GALNS: variants seen among roughly 807,000 people sequenced by gnomAD.
GALNS encodes N-acetylgalactosamine-6-sulfatase.
GALNS carries 65 observed loss-of-function variants against 65.9 expected under a neutral mutation model. That is an observed-to-expected ratio of 0.99 (90% CI 0.81 to 1.21). The LOEUF is 1.21. Among genes scored for constraint, GALNS ranks in the 50% most tolerant of loss-of-function variants. The pLI, the probability that GALNS is intolerant of heterozygous loss-of-function variation, is 0.00. For missense variants in GALNS, 776 were observed against 700.7 expected, an observed-to-expected ratio of 1.11 and a Z score of -1.21; for synonymous variants, 346 against 288.9, an observed-to-expected ratio of 1.20 and a Z score of -2.00.
At chr16:88,815,522 G>T in intron 13 of GALNS, 2 of 985,498 alleles carry the variant, frequency 2.0e-6, no homozygotes, top group Non-Finnish European at 2.4e-6. Context: ...TTGCTTGATG[G>T]GAGGGCACTT....
chr16:88,832,687 G>A (rs776100128), intron 8 of GALNS, among the ~76,000 whole-genome samples: 11 of 152,178 alleles, frequency 7.2e-5, no homozygotes, highest in Non-Finnish European at 1.5e-4. Context: ...CCCACGTCAG[G>A]GACAAAAGCC....
At position 88,835,776 on chromosome 16, in the gene GALNS, T is replaced by G. The variant is rs398123441; in HGVS notation, c.707A>C (p.His236Pro). Residue 236 changes from histidine (H) to proline (P), a missense_variant, in exon 7 of 14, where the codon CAC (histidine) becomes CCC (proline). His to Pro is a moderately conservative substitution (Grantham distance 77). Transcript: ENST00000268695. ...GGGTTTGGAGGCATAGACGGGTGCG[T>G]GCGTGGCGTCGACAGCCCAGTAGAG... The part of the protein sequence containing the change: ...FFLYWAVDAT[H>P]APVYASKPFL... 1 of 1,614,108 alleles carries G rather than the reference T, an allele frequency of 6.2e-7. No individual in the cohort carries two copies. The highest frequency in any genetic ancestry group is 8.5e-7 in the Non-Finnish European group (1 of 1,180,014).
intron 1 of GALNS, chr16:88,856,252 A>G (rs1192587418): frequency 1.7e-5 from 12 of 702,990 alleles, no homozygotes; most frequent in South Asian, 1.2e-4. Context: ...GTCAGGTAAG[A>G]CTGGAGCCCA....
intron 13 of GALNS, chr16:88,817,453 G>A: frequency 1.0e-6 from 1 of 985,444 alleles, no homozygotes; most frequent in East Asian, 1.1e-4. Flanking sequence ...GAAGGTCTCT[G>A]GGGCTGGCCC....
At chr16:88,855,869 G>A (rs562511891) in intron 1 of GALNS, 99 of 503,388 alleles carry the variant, frequency 2.0e-4, no homozygotes, top group South Asian at 1.9e-3. Context: ...GGGGCTGAGC[G>A]ACACCGACGG....
At chr16:88,836,147 G>T (rs2143001669) in intron 6 of GALNS, 54 bp downstream of exon 6, 1 of 1,503,012 alleles carries the variant, frequency 6.7e-7, no homozygotes. Flanking sequence ...TGAGGTTGGT[G>T]CGGTCCCCGT....
intron 10 of GALNS, among the ~76,000 whole-genome samples, chr16:88,825,779 G>A (rs565384082): frequency 2.6e-5 from 4 of 152,148 alleles, no homozygotes; most frequent in Admixed American, 6.5e-5. Flanking sequence ...GACGCAGCTG[G>A]GCACCGTCTC....
chr16:88,818,607 G>C (rs1320191249), intron 12 of GALNS, among the ~76,000 whole-genome samples: 1 of 152,196 alleles, frequency 6.6e-6, no homozygotes, highest in Non-Finnish European at 1.5e-5. Context: ...CGGAGTGTTT[G>C]GATTCCTTTC....
intron 11 of GALNS, among the ~76,000 whole-genome samples, chr16:88,824,250 C>T (rs1910562367): frequency 6.6e-6 from 1 of 152,078 alleles, no homozygotes; most frequent in Admixed American, 6.6e-5. Flanking sequence ...GAGCAGGAGG[C>T]TTGAGGCGAG....
chr16:88,830,590 A>G (rs1019040535), intron 9 of GALNS, among the ~76,000 whole-genome samples: 9 of 152,216 alleles, frequency 5.9e-5, no homozygotes, highest in Non-Finnish European at 1.2e-4. Flanking sequence ...TCGTTTACAA[A>G]CACCAGACTC....
chr16:88,854,277 A>G (rs1314660178), intron 1 of GALNS, among the ~76,000 whole-genome samples: 1 of 152,224 alleles, frequency 6.6e-6, no homozygotes, highest in South Asian at 2.1e-4. Flanking sequence ...ACCGGTCTGC[A>G]GTGCAGGAAG....
At chr16:88,855,476 GGACACGGAC>G (rs1443398838) in intron 1 of GALNS, 17 of 702,728 alleles carry the variant, frequency 2.4e-5, no homozygotes, top group Non-Finnish European at 3.9e-5. Flanking sequence ...ACTGCTGTCA[GGACACGGAC>G]CCCTGGGCGC....
At chr16:88,842,685 G>T in intron 2 of GALNS, 21 bp downstream of exon 2, 1 of 1,611,438 alleles carries the variant, frequency 6.2e-7, no homozygotes, top group Non-Finnish European at 8.5e-7. Context: ...CTTCCTGGGG[G>T]CGAGGGCCCC....
chr16:88,825,715 G>A (rs888870371), intron 10 of GALNS, among the ~76,000 whole-genome samples: 9 of 152,068 alleles, frequency 5.9e-5, no homozygotes, highest in Admixed American at 1.3e-4. Flanking sequence ...ATAAGCAGGC[G>A]GCACGGGGTC....
rs370911139 is a variant in GALNS, at chr16:88,838,062, G to A, written c.423-297C>T. Among the ~76,000 whole-genome samples, 7 of 152,300 alleles carry A rather than the reference G, an allele frequency of 4.6e-5. No homozygotes were observed. The South Asian group carries it at 1.0e-3, about 23-fold the overall frequency. On this transcript the variant is annotated intron_variant, in intron 4 of 13. Transcript: ENST00000268695. The stretch of plus-strand genomic sequence containing the variant: ...GTGCATCGTGAGGAGCCTCCCAGCC[G>A]CCTGGAACCCGCCTGACATGCCCCT...
chr16:88,818,649 C>T (rs1909891432), intron 12 of GALNS, among the ~76,000 whole-genome samples: 1 of 152,202 alleles, frequency 6.6e-6, no homozygotes, highest in Non-Finnish European at 1.5e-5. Context: ...CACGGCTCGA[C>T]GAGGTGCCAC....
intron 4 of GALNS, chr16:88,838,965 C>G (rs1912427292): frequency 1.3e-5 from 2 of 153,082 alleles, no homozygotes; most frequent in Non-Finnish European, 2.9e-5. Flanking sequence ...GCCTGGACCT[C>G]TCTGTGACCT....
chr16:88,837,782 A>C lies in GALNS; in HGVS notation c.423-17T>G. Reference sequence around the variant, plus strand: ...CCCAGATGCCTGGAAACAGGAACCCAGGACACTTCAGGGACCCCACGTGGG... The same window carrying C: ...CCCAGATGCCTGGAAACAGGAACCCCGGACACTTCAGGGACCCCACGTGGG... On this transcript the variant is annotated splice_polypyrimidine_tract_variant and intron_variant, in intron 4 of 13. Transcript: ENST00000268695. 1 of 1,613,652 alleles carries C rather than the reference A, an allele frequency of 6.2e-7. No individual in the cohort carries two copies. The highest frequency in any genetic ancestry group is 8.5e-7 in the Non-Finnish European group (1 of 1,179,878).
intron 11 of GALNS, among the ~76,000 whole-genome samples, chr16:88,823,272 G>A (rs894742955): frequency 4.6e-5 from 7 of 152,232 alleles, no homozygotes; most frequent in African/African-American, 1.4e-4. Context: ...TGAAAGGCAA[G>A]AGAAAACACA....
Sources: gnomAD v4.1 joint callset for allele counts (sites outside exome capture counted in the v4.1 genomes callset) on GRCh38, gnomAD v4.1.1 for gene constraint, MANE v1.5 for transcripts, NCBI Gene and HGNC (gene_info 2026-07-23, HGNC 2026-07-21) for gene names.